The following MICAL3 variants were observed in gnomAD, a reference collection of about 807,000 sequenced individuals.
MICAL3 encodes [F-actin]-monooxygenase MICAL3.
MICAL3 carries 62 observed loss-of-function variants against 207.4 expected under a neutral mutation model. That is an observed-to-expected ratio of 0.30 (90% CI 0.24 to 0.37). MICAL3 has a LOEUF of 0.37. Among genes scored for constraint, MICAL3 ranks in the 10% least tolerant of loss-of-function variants. MICAL3 has a pLI of 1.00. For synonymous variants in MICAL3, 1,077 were observed against 1,069.3 expected (o/e 1.01, Z -0.14); for missense variants, 2,368 against 2,635.6 (o/e 0.90, Z 2.22).
chr22:17,857,275 A>G (rs866942849), intron 19 of MICAL3, among the ~76,000 whole-genome samples: 3 of 152,168 alleles, frequency 2.0e-5, no homozygotes, highest in African/African-American at 4.8e-5. Context: ...CTGTCAGATC[A>G]GCGGTGGCGG....
chr22:17,797,483 C>G (rs977114974), intron 29 of MICAL3, among the ~76,000 whole-genome samples: 1 of 152,074 alleles, frequency 6.6e-6, no homozygotes, highest in Non-Finnish European at 1.5e-5. Flanking sequence ...GAGTGAGACC[C>G]TATCTCTAAA....
chr22:17,932,276 C>G (rs894998645), intron 1 of MICAL3, among the ~76,000 whole-genome samples: 8 of 152,232 alleles, frequency 5.3e-5, no homozygotes, highest in Non-Finnish European at 1.2e-4. Context: ...TAACGCGGAT[C>G]TCTGGGCAGA....
intron 1 of MICAL3, among the ~76,000 whole-genome samples, chr22:17,963,365 A>G (rs528020519): frequency 1.2e-4 from 18 of 152,226 alleles, no homozygotes; most frequent in Admixed American, 2.0e-4. Context: ...AGGGACACCC[A>G]TGGCGTGAGA....
At chr22:17,956,819 G>A (rs983600033) in intron 1 of MICAL3, among the ~76,000 whole-genome samples, 2 of 152,186 alleles carry the variant, frequency 1.3e-5, no homozygotes, top group African/African-American at 4.8e-5. Context: ...ACACTACAGA[G>A]ACGAAGTCAG....
intron 13 of MICAL3, among the ~76,000 whole-genome samples, chr22:17,887,663 C>T (rs1239245393): frequency 6.6e-6 from 1 of 152,222 alleles, no homozygotes; most frequent in Non-Finnish European, 1.5e-5. Flanking sequence ...AAAAATGACT[C>T]TTCTTCCCAA....
At position 17,816,717 on chromosome 22, in the gene MICAL3, C is replaced by T; in HGVS notation, c.5418G>A (p.Glu1806=). The T allele has an allele frequency of 6.4e-7, 1 of 1,553,280 alleles. No homozygotes were observed. The highest frequency in any genetic ancestry group is 8.7e-7 in the Non-Finnish European group (1 of 1,148,094). ...CTCGCCGGGACTTCTGTGAGGACTT[C>T]TCAAGGACATCGTCGCTGGAGAGGT... ...DSDLSSDDVL[E]KSSQKSRREP... The change falls in exon 27 of 32, where the codon GAG becomes GAA. Residue 1806 remains glutamate (E), a synonymous_variant. Transcript: ENST00000441493.
intron 19 of MICAL3, among the ~76,000 whole-genome samples, chr22:17,849,446 C>A (rs930416215): frequency 6.6e-6 from 1 of 152,124 alleles, no homozygotes; most frequent in Non-Finnish European, 1.5e-5. Flanking sequence ...GTGGTCCTCC[C>A]GTCTCAGCCT....
chr22:17,932,271 CG>C lies in MICAL3; in HGVS notation c.-74-25386del, dbSNP rs201729734. ...CAAAGGGAAGGCCATCAGACTAACG[CG>C]GATCTCTGGGCAGAAACCCTACAAG... On this transcript the variant is annotated intron_variant, in intron 1 of 31. Transcript: ENST00000441493. Among the ~76,000 whole-genome samples the C allele has an allele frequency of 8.8e-4, 134 of 152,268 alleles. 1 individual carries two copies. In the East Asian group the frequency reaches 0.025, roughly 29 times the overall value.
At chr22:17,832,224 GGA>G in intron 20 of MICAL3, 117 bp from the exon 21 acceptor site, 1 of 1,297,952 alleles carries the variant, frequency 7.7e-7, no homozygotes, top group Non-Finnish European at 1.1e-6. Context: ...CTGAGCAGGC[GGA>G]GAGAGACAGG....
intron 22 of MICAL3, 71 bp from the exon 23 acceptor site, chr22:17,823,131 C>A: frequency 9.7e-7 from 1 of 1,034,456 alleles, no homozygotes; most frequent in South Asian, 1.3e-5. Flanking sequence ...TTCACGGGGG[C>A]GAGAGGTACT....
chr22:17,992,156 G>A (rs1921754724), intron 1 of MICAL3, among the ~76,000 whole-genome samples: 1 of 152,180 alleles, frequency 6.6e-6, no homozygotes, highest in South Asian at 2.1e-4. Context: ...CAAGCACATT[G>A]AGAGCACCAG....
chr22:17,874,189 C>G (rs979434330), intron 16 of MICAL3, among the ~76,000 whole-genome samples: 4 of 152,174 alleles, frequency 2.6e-5, no homozygotes, highest in Non-Finnish European at 5.9e-5. Context: ...AAATAAGATT[C>G]CCAAGGATTG....
Position 17,817,705 on chromosome 22 carries a change from G to A in MICAL3, c.4956C>T (p.Arg1652=). Residue 1652 remains arginine (R), a synonymous_variant, in exon 26 of 32, where the codon CGC becomes CGT. Coordinates refer to ENST00000441493, the MANE Select transcript of MICAL3 (RefSeq NM_015241.3). ...GCTCCTCGGAGCCCCTGAGAGTGGG[G>A]CGTGTGGGGGAGTCAGGCCGGCGCT... The part of the protein sequence containing the change: ...GKERRPDSPT[R]PTLRGSEEPT... The A allele has an allele frequency of 6.3e-7, 1 of 1,598,986 alleles. No homozygotes were observed. Among genetic ancestry groups the A allele is most frequent in the East Asian group, 2.2e-5 (1 of 44,732 alleles).
At chr22:17,832,504 G>A (rs778609699) in intron 20 of MICAL3, among the ~76,000 whole-genome samples, 10 of 152,204 alleles carry the variant, frequency 6.6e-5, no homozygotes, top group Non-Finnish European at 1.5e-4. Context: ...TCAAACTCAA[G>A]CCACAGCCCC....
chr22:17,876,573 C>T (rs1305403663), intron 16 of MICAL3: 2 of 152,562 alleles, frequency 1.3e-5, no homozygotes, highest in East Asian at 3.8e-4. Context: ...CACCGCCCCT[C>T]AGAAGGAAGC....
intron 1 of MICAL3, among the ~76,000 whole-genome samples, chr22:17,970,752 A>G (rs571287551): frequency 6.6e-6 from 1 of 152,018 alleles, no homozygotes; most frequent in South Asian, 2.1e-4. Context: ...CATTTAATTG[A>G]GCAGCATTTT....
chr22:17,833,344 C>T (rs987721590), intron 20 of MICAL3, among the ~76,000 whole-genome samples: 6 of 152,204 alleles, frequency 3.9e-5, no homozygotes, highest in South Asian at 4.1e-4. Flanking sequence ...TCAGCTTTCA[C>T]GTTAAAGCCA....
intron 1 of MICAL3, chr22:17,980,820 C>T (rs1401440170): frequency 2.0e-6 from 1 of 502,218 alleles, no homozygotes; most frequent in Non-Finnish European, 4.2e-6. Context: ...CTCAGCCTCG[C>T]CCAGATGCGG....
In MICAL3 at chr22:17,818,526, G is replaced by A. The variant is rs1480009929; in HGVS notation, c.4135C>T (p.Leu1379Phe). 2.5e-6 allele frequency: 4 copies of A among 1,613,424 alleles called. No homozygotes were observed. Among genetic ancestry groups the A allele is most frequent in the Admixed American group, 3.3e-5 (2 of 60,026 alleles). ...EKSPQDEGLH[L>F]LKPLSIPKRL... is the part of the protein sequence containing the mutation. ...TTGGGGATGGACAGAGGCTTGAGAA[G>A]GTGGAGTCCCTCATCCTGGGGGGAC... Residue 1379 changes from leucine (L) to phenylalanine (F), a missense_variant, in exon 26 of 32, where the codon CTT (leucine) becomes TTT (phenylalanine). Around this residue, in one of 4 missense-constraint regions of MICAL3, gnomAD observed 1,770 missense variants for 1,863.2 expected, o/e 0.95. Transcript: ENST00000441493.
Sources: gnomAD v4.1 joint callset for allele counts (sites outside exome capture counted in the v4.1 genomes callset) on GRCh38, gnomAD v4.1.1 for gene constraint, gnomAD v4.1.1 regional missense constraint, MANE v1.5 for transcripts, NCBI Gene and HGNC (gene_info 2026-07-23, HGNC 2026-07-21) for gene names.